Variants in EYS observed in about 807,000 individuals in gnomAD.
EYS encodes EGF-like photoreceptor maintenance factor, also known as protein eyes shut homolog.
A neutral mutation model predicts 282.1 loss-of-function variants in EYS; 250 were observed. That is an observed-to-expected ratio of 0.89 (90% CI 0.80 to 0.98). The LOEUF (loss-of-function observed/expected upper bound fraction) is 0.98. Among genes scored for constraint, EYS ranks in the 50% least tolerant of loss-of-function variants. The pLI, the probability that EYS is intolerant of heterozygous loss-of-function variation, is 0.00. For missense variants in EYS, 4,016 were observed against 3,709.0 expected (o/e 1.08, Z -2.15); for synonymous variants, 1,355 against 1,282.9 (o/e 1.06, Z -1.20).
intron 36 of EYS, among the ~76,000 whole-genome samples, chr6:63,852,786 G>T (rs542306114): frequency 5.6e-4 from 85 of 152,224 alleles, no homozygotes; most frequent in Admixed American, 1.4e-3. Flanking sequence ...TATCTACCAC[G>T]ATCAAGTCGA....
intron 5 of EYS, among the ~76,000 whole-genome samples, chr6:65,465,244 A>T (rs529336096): frequency 2.0e-5 from 3 of 152,226 alleles, no homozygotes; most frequent in Admixed American, 2.0e-4. Context: ...AGGGAGGATC[A>T]CATGAGGCCA....
intron 28 of EYS, among the ~76,000 whole-genome samples, chr6:64,419,376 C>T (rs898227400): frequency 6.6e-6 from 1 of 152,110 alleles, no homozygotes; most frequent in Non-Finnish European, 1.5e-5. Flanking sequence ...TCATATCATT[C>T]TATCCCGGGC....
At chr6:65,618,141 A>T (rs1466673204) in intron 2 of EYS, among the ~76,000 whole-genome samples, 4 of 152,170 alleles carry the variant, frequency 2.6e-5, no homozygotes, top group South Asian at 2.1e-4. Context: ...GACTTCCACA[A>T]TGGTTGAACT....
chr6:64,294,052 T>C (rs1768812914), intron 30 of EYS, among the ~76,000 whole-genome samples: 1 of 151,356 alleles, frequency 6.6e-6, no homozygotes, highest in Non-Finnish European at 1.5e-5. Context: ...CAAATGTAGG[T>C]GACTATAAAA....
chr6:64,780,698 A>C (rs1193158863), intron 22 of EYS, among the ~76,000 whole-genome samples: 1 of 152,228 alleles, frequency 6.6e-6, no homozygotes, highest in Non-Finnish European at 1.5e-5. Context: ...ATGAAAGGCA[A>C]AAAATAAATT....
chr6:64,534,170 T>A (rs1764443933), intron 26 of EYS, among the ~76,000 whole-genome samples: 1 of 151,836 alleles, frequency 6.6e-6, no homozygotes, highest in Non-Finnish European at 1.5e-5. Context: ...TTTAGATCTC[T>A]AAATTATAAA....
chr6:64,997,803 T>C (rs2150126002), intron 13 of EYS, 100 bp from the exon 14 acceptor site: 3 of 1,045,966 alleles, frequency 2.9e-6, no homozygotes, highest in South Asian at 4.4e-5. Context: ...TGTAGTTCAC[T>C]TTTAACCAAA....
chr6:65,155,194 T>G (rs1764703930), intron 12 of EYS, among the ~76,000 whole-genome samples: 1 of 151,502 alleles, frequency 6.6e-6, no homozygotes, highest in Non-Finnish European at 1.5e-5. Flanking sequence ...CTATCAGCAT[T>G]ACCACTGACA....
intron 35 of EYS, among the ~76,000 whole-genome samples, chr6:63,941,161 T>C (rs979020759): frequency 3.3e-5 from 5 of 152,180 alleles, no homozygotes; most frequent in African/African-American, 1.2e-4. Flanking sequence ...CATGTGTCTT[T>C]ATAGCAGCGT....
chr6:64,068,313 G>T (rs2149857066), intron 32 of EYS, among the ~76,000 whole-genome samples: 1 of 152,106 alleles, frequency 6.6e-6, no homozygotes, highest in Non-Finnish European at 1.5e-5. Context: ...ATATTTAGTT[G>T]TTTCTTTTTT....
chr6:64,280,732 C>A (rs1425307138), intron 30 of EYS, among the ~76,000 whole-genome samples: 2 of 152,050 alleles, frequency 1.3e-5, no homozygotes, highest in Non-Finnish European at 2.9e-5. Flanking sequence ...AATAAAACAG[C>A]TAGAAAATGC....
At chr6:64,665,982 G>T (rs1463178309) in intron 22 of EYS, among the ~76,000 whole-genome samples, 4 of 152,094 alleles carry the variant, frequency 2.6e-5, no homozygotes, top group Non-Finnish European at 5.9e-5. Context: ...GCAAACTAAT[G>T]CAGGAACAGA....
intron 14 of EYS, among the ~76,000 whole-genome samples, chr6:64,983,903 C>T (rs1431960738): frequency 2.0e-5 from 3 of 151,184 alleles, no homozygotes; most frequent in Admixed American, 6.6e-5. Context: ...AGCATTTAAC[C>T]ACCAAGCTCT....
intron 26 of EYS, among the ~76,000 whole-genome samples, chr6:64,511,276 A>G (rs1393742859): frequency 4.7e-5 from 7 of 148,492 alleles, no homozygotes; most frequent in Non-Finnish European, 1.0e-4. Flanking sequence ...TGTATCATAT[A>G]TATGATATAT....
intron 35 of EYS, among the ~76,000 whole-genome samples, chr6:63,979,130 G>A (rs1028223720): frequency 6.6e-6 from 1 of 151,966 alleles, no homozygotes; most frequent in African/African-American, 2.4e-5. Flanking sequence ...GCAGTGGTCT[G>A]CAAATGATAG....
chr6:65,225,960 A>G (rs1766614299), intron 12 of EYS, among the ~76,000 whole-genome samples: 2 of 152,032 alleles, frequency 1.3e-5, no homozygotes, highest in South Asian at 4.1e-4. Flanking sequence ...GGAAAGTTTT[A>G]CCTTTAATAT....
intron 30 of EYS, among the ~76,000 whole-genome samples, chr6:64,303,690 A>G (rs7739628): frequency 0.69 from 103,507 of 150,818 alleles, 35,570 homozygotes; most frequent in Non-Finnish European, 0.71. Flanking sequence ...AAAATACAAA[A>G]ATTAGCCGGG....
chr6:65,602,485 T>C (rs949547004), intron 2 of EYS, among the ~76,000 whole-genome samples: 1 of 151,944 alleles, frequency 6.6e-6, no homozygotes, highest in African/African-American at 2.4e-5. Context: ...CACATGCATC[T>C]TATGCTATGG....
chr6:64,646,031 G>T (rs1173010318), intron 22 of EYS, among the ~76,000 whole-genome samples: 1 of 152,090 alleles, frequency 6.6e-6, no homozygotes, highest in African/African-American at 2.4e-5. Context: ...TATTAATATT[G>T]AAAAACTATA....
Sources: allele counts gnomAD v4.1 joint callset (sites outside exome capture counted in the v4.1 genomes callset), GRCh38; gene constraint gnomAD v4.1.1; transcripts MANE v1.5; gene names NCBI Gene and HGNC (gene_info 2026-07-23, HGNC 2026-07-21).